PABPC1L: variants seen among roughly 807,000 people sequenced by gnomAD.
The protein encoded by PABPC1L is poly(A) binding protein cytoplasmic 1 like.
Under a neutral mutation model 66.6 loss-of-function variants are expected in PABPC1L, and 31 were observed. The observed-to-expected ratio is 0.47, with a 90% CI of 0.35 to 0.63. The LOEUF (loss-of-function observed/expected upper bound fraction) is 0.63. PABPC1L is among the 20% of genes least tolerant of loss of function. The pLI is 0.00. For missense variants in PABPC1L, 722 were observed against 848.8 expected (o/e 0.85, Z 1.86); for synonymous variants, 348 against 335.1 (o/e 1.04, Z -0.42).
chr20:44,923,468 A>C (rs1398243768), intron 6 of PABPC1L, among the ~76,000 whole-genome samples: 1 of 151,946 alleles, frequency 6.6e-6, no homozygotes, highest in Non-Finnish European at 1.5e-5. Context: ...GTCTCTACTA[A>C]AAAATACAAA....
chr20:44,924,519 C>T (rs1376689905), intron 7 of PABPC1L, among the ~76,000 whole-genome samples: 1 of 152,198 alleles, frequency 6.6e-6, no homozygotes, highest in East Asian at 1.9e-4. Flanking sequence ...TTATTGAGTG[C>T]CTACTGTATG....
intron 5 of PABPC1L, among the ~76,000 whole-genome samples, chr20:44,920,931 G>C (rs1272248734): frequency 1.4e-5 from 2 of 146,588 alleles, no homozygotes; most frequent in Non-Finnish European, 3.0e-5. Flanking sequence ...TCCCACCTCA[G>C]CCTCCTAAGT....
Position 44,935,081 on chromosome 20 carries a change from A to G in PABPC1L, c.1460-310A>G, listed in dbSNP as rs568290112. 5.3e-5 allele frequency among the ~76,000 whole-genome samples: 8 copies of G among 152,108 alleles called. No homozygotes were observed. The South Asian group carries it at 6.2e-4, about 12-fold the overall frequency. On this transcript the variant is annotated intron_variant, in intron 10 of 14. Transcript: ENST00000217073. ...AGACTCTGTCTCAGGAAAAAAAAAA[A>G]AAAGAAAGAAAATGTTTGTACAAAT... is the stretch of plus-strand genomic sequence containing the variant.
chr20:44,919,699 A>G (rs1266742854), intron 5 of PABPC1L, among the ~76,000 whole-genome samples: 1 of 151,652 alleles, frequency 6.6e-6, no homozygotes, highest in Non-Finnish European at 1.5e-5. Flanking sequence ...TTTTTTAAAA[A>G]CTCTCCAGAT....
chr20:44,910,607 G>A (rs1354169506), intron 1 of PABPC1L, among the ~76,000 whole-genome samples: 2 of 152,058 alleles, frequency 1.3e-5, no homozygotes, highest in Non-Finnish European at 2.9e-5. Flanking sequence ...GGGGTCAGGC[G>A]GACCAGGGAT....
intron 7 of PABPC1L, among the ~76,000 whole-genome samples, chr20:44,927,624 C>T (rs1204878870): frequency 2.0e-5 from 3 of 152,134 alleles, no homozygotes; most frequent in Non-Finnish European, 2.9e-5. Context: ...GCTAGGATTA[C>T]AGGCGTGAGC....
chr20:44,932,946 T>C lies in PABPC1L; in HGVS notation c.1331-111T>C. 4 of 657,744 alleles carry C rather than the reference T, an allele frequency of 6.1e-6. No homozygotes were observed. The East Asian group carries it at 1.1e-4, about 18-fold the overall frequency. 40.7% of individuals were successfully genotyped at this position (657,744 alleles called of 1,614,324 possible). ...TATTTCTGTTGTGAATGTTGTAGTT[T>C]CCCTTCCCATTCTCTTGGTGGCCCT... On this transcript the variant is annotated intron_variant, in intron 9 of 14. Coordinates refer to ENST00000217073, the MANE Select transcript of PABPC1L (RefSeq NM_001372179.1).
intron 7 of PABPC1L, among the ~76,000 whole-genome samples, 162 bp from the exon 8 acceptor site, chr20:44,930,298 G>A (rs867365514): frequency 1.3e-5 from 2 of 151,676 alleles, no homozygotes; most frequent in African/African-American, 4.8e-5. Context: ...TACATCCCTC[G>A]AACACAGCTT....
At chr20:44,912,620 C>A in intron 1 of PABPC1L, 40 bp from the exon 2 acceptor site, 1 of 1,546,054 alleles carries the variant, frequency 6.5e-7, no homozygotes, top group South Asian at 1.2e-5. Context: ...TAAGAAAATT[C>A]CCTAAACTTG....
intron 8 of PABPC1L, 85 bp downstream of exon 8, chr20:44,930,811 G>T: frequency 6.6e-7 from 1 of 1,511,324 alleles, no homozygotes. Context: ...CTAGGGAAAT[G>T]GAGGTTTCTA....
At chr20:44,911,445 C>CACAAA (rs1182451126) in intron 1 of PABPC1L, among the ~76,000 whole-genome samples, 4 of 152,202 alleles carry the variant, frequency 2.6e-5, no homozygotes, top group Non-Finnish European at 5.9e-5. Context: ...GCCCGGGCAA[C>CACAAA]AGAGCGAGAC....
At chr20:44,928,208 T>C (rs1318930873) in intron 7 of PABPC1L, among the ~76,000 whole-genome samples, 1 of 152,004 alleles carries the variant, frequency 6.6e-6, no homozygotes, top group African/African-American at 2.4e-5. Flanking sequence ...GAAGCTGAGA[T>C]TACAGGCACC....
chr20:44,910,214 A>C lies in PABPC1L; in HGVS notation c.71A>C (p.Glu24Ala), dbSNP rs1393279313. ...YVGDLHPDVTEAMLYEKFSPA... is the reference protein window; with the variant it reads ...YVGDLHPDVTAAMLYEKFSPA... ...GGCGATCTGCACCCCGACGTGACCG[A>C]GGCCATGCTCTATGAGAAGTTCTCT... is the stretch of plus-strand genomic sequence containing the variant. Residue 24 changes from glutamate (E) to alanine (A), a missense_variant, in exon 1 of 15, where the codon GAG becomes GCG. This residue lies in a region of PABPC1L where 284 missense variants were observed against 294.8 expected (regional missense o/e 0.96). Coordinates refer to ENST00000217073, the MANE Select transcript of PABPC1L (RefSeq NM_001372179.1). 4.4e-6 allele frequency: 7 copies of C among 1,579,472 alleles called. No homozygotes were observed. Among genetic ancestry groups the C allele is most frequent in the Non-Finnish European group, 6.0e-6 (7 of 1,162,986 alleles).
At chr20:44,938,212 C>G (rs138125825) in intron 13 of PABPC1L, 21 bp downstream of exon 13, 1 of 1,610,664 alleles carries the variant, frequency 6.2e-7, no homozygotes, top group South Asian at 1.1e-5. Flanking sequence ...GCCTGGGCAG[C>G]AGGGAGCCCG....
intron 10 of PABPC1L, among the ~76,000 whole-genome samples, chr20:44,934,295 C>A (rs1285212782): frequency 1.3e-5 from 2 of 152,218 alleles, no homozygotes; most frequent in Non-Finnish European, 2.9e-5. Flanking sequence ...GGCCCTGACA[C>A]CCCTGCTTAT....
intron 10 of PABPC1L, among the ~76,000 whole-genome samples, chr20:44,933,595 G>T (rs1601124626): frequency 6.6e-6 from 1 of 151,804 alleles, no homozygotes; most frequent in Non-Finnish European, 1.5e-5. Context: ...GTAGGCATGC[G>T]CCACCATGCC....
rs777101717 is a variant in PABPC1L at position 44,932,310 on chromosome 20, C to G, written c.1240-32C>G. ...GCTTCTCACCTACCCTGCCGCCAAGCCCCTCAGTCTGGGTCTTCTTTTCCC... is the reference window on the plus strand; with the variant it reads ...GCTTCTCACCTACCCTGCCGCCAAGGCCCTCAGTCTGGGTCTTCTTTTCCC... On this transcript the variant is annotated intron_variant, in intron 8 of 14. Transcript: ENST00000217073. 1.3e-5 allele frequency: 21 copies of G among 1,559,840 alleles called. No individual in the cohort carries two copies. In the South Asian group the frequency reaches 2.1e-4, roughly 15 times the overall value.
At chr20:44,915,594 C>G (rs949545172) in intron 2 of PABPC1L, among the ~76,000 whole-genome samples, 4 of 151,912 alleles carry the variant, frequency 2.6e-5, no homozygotes, top group African/African-American at 9.7e-5. Flanking sequence ...GGTCAGGAGT[C>G]CAGGACCAGC....
In PABPC1L at chr20:44,919,259, G is replaced by A. The variant is rs762194768; in HGVS notation, c.720G>A (p.Lys240=). ...SRCFGFVNFE[K]HEEAQKAVVH... ...GCTTTGGCTTTGTCAACTTTGAGAA[G>A]CATGAGGAAGCCCAGAAGGTAGGAG... is the stretch of plus-strand genomic sequence containing the variant. The change falls in exon 5 of 15, where the codon AAG becomes AAA. Residue 240 remains lysine, a synonymous_variant. Transcript: ENST00000217073. 1.2e-6 allele frequency: 2 copies of A among 1,614,082 alleles called. No homozygotes were observed.
Sources: allele counts gnomAD v4.1 joint callset (sites outside exome capture counted in the v4.1 genomes callset), GRCh38; gene constraint gnomAD v4.1.1; regional missense constraint gnomAD v4.1.1; transcripts MANE v1.5; gene names NCBI Gene and HGNC (gene_info 2026-07-23, HGNC 2026-07-21).